Variants in LRRC38 observed in about 807,000 individuals in gnomAD.
The protein encoded by LRRC38 is leucine rich repeat containing 38.
In LRRC38, 5 loss-of-function variants were observed where a neutral mutation model predicts 16.4. The observed-to-expected ratio is 0.31, with a 90% CI of 0.16 to 0.64. The LOEUF is 0.64. Among genes scored for constraint, LRRC38 ranks in the 30% least tolerant of loss-of-function variants. The pLI is 0.80. For synonymous variants in LRRC38, 191 were observed against 190.2 expected (o/e 1.00, Z -0.04); for missense variants, 341 against 401.8 (o/e 0.85, Z 1.29).
intron 1 of LRRC38, among the ~76,000 whole-genome samples, chr1:13,511,812 G>A (rs1385487908): frequency 1.3e-5 from 2 of 152,174 alleles, no homozygotes; most frequent in Non-Finnish European, 2.9e-5. Context: ...TGGGCTGAAA[G>A]TGATGGCTCA....
At chr1:13,500,692 G>A (rs149541402) in intron 1 of LRRC38, among the ~76,000 whole-genome samples, 1 of 152,272 alleles carries the variant, frequency 6.6e-6, no homozygotes, top group East Asian at 1.9e-4. Flanking sequence ...GACCTCCTGA[G>A]GCTATGTCAT....
At chr1:13,486,484 CA>C (rs1170584971) in intron 1 of LRRC38, among the ~76,000 whole-genome samples, 2 of 152,156 alleles carry the variant, frequency 1.3e-5, no homozygotes, top group Non-Finnish European at 2.9e-5. Flanking sequence ...ATTTCATACC[CA>C]CCTGTTGCCC....
chr1:13,477,333 C>T (rs1469265811), intron 1 of LRRC38, among the ~76,000 whole-genome samples: 1 of 152,124 alleles, frequency 6.6e-6, no homozygotes, highest in Non-Finnish European at 1.5e-5. Context: ...AAAACAAAGC[C>T]TTTGCCTTCA....
Position 13,513,405 on chromosome 1 carries a change from C to T in LRRC38, c.189G>A (p.Val63=). 2 of 1,550,500 alleles carry T rather than the reference C, an allele frequency of 1.3e-6. No homozygotes were observed. Among genetic ancestry groups the T allele is most frequent in the Non-Finnish European group, 1.7e-6 (2 of 1,146,920 alleles). The change falls in exon 1 of 2, where the codon GTG becomes GTA. Residue 63 remains valine (V), a synonymous_variant. Transcript: ENST00000376085. Reference sequence around the variant, plus strand: ...GGATCCGCTGGATGCGGTTGCCGGCCACCAGCAGCTTGCGCACGTCCAGGG... The same window carrying T: ...GGATCCGCTGGATGCGGTTGCCGGCTACCAGCAGCTTGCGCACGTCCAGGG... ...PFPLDVRKLL[V]AGNRIQRIPE...
intron 1 of LRRC38, among the ~76,000 whole-genome samples, chr1:13,499,447 A>G (rs1409617876): frequency 6.6e-6 from 1 of 152,190 alleles, no homozygotes; most frequent in Non-Finnish European, 1.5e-5. Context: ...ATTTAGAGTT[A>G]AGACTTCCAT....
At chr1:13,486,702 C>T (rs1446382036) in intron 1 of LRRC38, among the ~76,000 whole-genome samples, 2 of 151,750 alleles carry the variant, frequency 1.3e-5, no homozygotes, top group African/African-American at 2.4e-5. Context: ...CCGATCTTCC[C>T]ACCTCAGCCT....
chr1:13,484,830 C>T (rs961354927), intron 1 of LRRC38, among the ~76,000 whole-genome samples: 8 of 152,242 alleles, frequency 5.3e-5, no homozygotes, highest in Non-Finnish European at 1.0e-4. Context: ...GCAGCTGGTA[C>T]TGGGATGATC....
chr1:13,497,896 G>A (rs908364526), intron 1 of LRRC38, among the ~76,000 whole-genome samples: 3 of 142,034 alleles, frequency 2.1e-5, no homozygotes, highest in Non-Finnish European at 4.5e-5. Flanking sequence ...GGAGGCCGAG[G>A]TTGCCGTGAG....
At chr1:13,480,273 A>C (rs1381621139) in intron 1 of LRRC38, among the ~76,000 whole-genome samples, 1 of 152,172 alleles carries the variant, frequency 6.6e-6, no homozygotes, top group Non-Finnish European at 1.5e-5. Flanking sequence ...TGAACCCCGG[A>C]GGTAGAGGCT....
chr1:13,506,093 G>A (rs761548966), intron 1 of LRRC38, among the ~76,000 whole-genome samples: 11 of 152,270 alleles, frequency 7.2e-5, no homozygotes, highest in African/African-American at 1.2e-4. Context: ...GACCTGTAAC[G>A]TCAGGCAGTG....
chr1:13,511,855 GA>G (rs1382344911), intron 1 of LRRC38, among the ~76,000 whole-genome samples: 1 of 152,148 alleles, frequency 6.6e-6, no homozygotes, highest in Non-Finnish European at 1.5e-5. Flanking sequence ...TGAGCACCCC[GA>G]AGCATGGGGT....
At chr1:13,512,921 G>GCCCCCCGGC in intron 1 of LRRC38, 42 bp downstream of exon 1, 1 of 1,246,172 alleles carries the variant, frequency 8.0e-7, no homozygotes, top group Non-Finnish European at 1.1e-6. Context: ...GCCTCTCCCT[G>GCCCCCCGGC]CCCCCCTCCC....
At chr1:13,482,460 C>G (rs2940312) in intron 1 of LRRC38, among the ~76,000 whole-genome samples, 83,417 of 151,684 alleles carry the variant, frequency 0.55, 23,986 homozygotes, top group African/African-American at 0.73. Context: ...CACGCCTCTA[C>G]TCCCAGCTAC....
At chr1:13,483,634 AGG>A (rs976555599) in intron 1 of LRRC38, among the ~76,000 whole-genome samples, 7 of 152,070 alleles carry the variant, frequency 4.6e-5, no homozygotes, top group African/African-American at 1.7e-4. Flanking sequence ...TGCCCACGTT[AGG>A]GTTAGGACGG....
chr1:13,492,949 G>A (rs780020228), intron 1 of LRRC38, among the ~76,000 whole-genome samples: 3 of 150,398 alleles, frequency 2.0e-5, no homozygotes, highest in South Asian at 4.2e-4. Flanking sequence ...CGTGAGTCCC[G>A]TCGCTCTTGG....
chr1:13,486,576 G>A (rs1191586563), intron 1 of LRRC38, among the ~76,000 whole-genome samples: 1 of 146,168 alleles, frequency 6.8e-6, no homozygotes, highest in Non-Finnish European at 1.5e-5. Flanking sequence ...CATTAAATAT[G>A]TCTTGGTGTA....
intron 1 of LRRC38, among the ~76,000 whole-genome samples, chr1:13,483,200 G>A (rs527909619): frequency 6.6e-6 from 1 of 152,282 alleles, no homozygotes; most frequent in South Asian, 2.1e-4. Flanking sequence ...AGCCCAGGCT[G>A]GAGTGCAGTT....
At chr1:13,489,410 TG>T (rs1467221243) in intron 1 of LRRC38, among the ~76,000 whole-genome samples, 4 of 152,190 alleles carry the variant, frequency 2.6e-5, no homozygotes, top group African/African-American at 9.6e-5. Context: ...AAGTCACCTT[TG>T]ATATCTCTCA....
At chr1:13,489,816 G>A (rs1412022504) in intron 1 of LRRC38, among the ~76,000 whole-genome samples, 2 of 152,078 alleles carry the variant, frequency 1.3e-5, no homozygotes, top group African/African-American at 4.8e-5. Context: ...TTAAACTCCC[G>A]TCTCGTCTCC....
Sources: allele counts gnomAD v4.1 joint callset (sites outside exome capture counted in the v4.1 genomes callset), GRCh38; gene constraint gnomAD v4.1.1; transcripts MANE v1.5; gene names NCBI Gene and HGNC (gene_info 2026-07-23, HGNC 2026-07-21).